FHIT: variants seen among roughly 807,000 people sequenced by gnomAD.
The protein encoded by FHIT is bis(5'-adenosyl)-triphosphatase.
FHIT carries 19 observed loss-of-function variants against 17.9 expected under a neutral mutation model. That is an observed-to-expected ratio of 1.06 (90% CI 0.74 to 1.56). The LOEUF is 1.56. Among genes scored for constraint, FHIT ranks in the 40% most tolerant of loss-of-function variants. The probability of loss-of-function intolerance (pLI) is 0.00; values close to 1 mark genes in which losing one functional copy is unlikely to be tolerated. For missense variants in FHIT, 248 were observed against 189.2 expected (o/e 1.31, Z -1.82); for synonymous variants, 81 against 69.7 (o/e 1.16, Z -0.81).
At chr3:59,804,146 A>T (rs948375586) in intron 8 of FHIT, among the ~76,000 whole-genome samples, 1 of 152,212 alleles carries the variant, frequency 6.6e-6, no homozygotes, top group African/African-American at 2.4e-5. Context: ...CAGAGCGACC[A>T]TCAGGTTATG....
chr3:60,861,731 G>A (rs1214102727), intron 3 of FHIT, among the ~76,000 whole-genome samples: 1 of 151,832 alleles, frequency 6.6e-6, no homozygotes, highest in Non-Finnish European at 1.5e-5. Context: ...TTAAGAAAAG[G>A]TAAGGGATCA....
intron 5 of FHIT, among the ~76,000 whole-genome samples, chr3:60,217,362 C>G (rs1038462541): frequency 3.9e-5 from 6 of 152,162 alleles, no homozygotes; most frequent in Non-Finnish European, 8.8e-5. Context: ...GCTCATCGCC[C>G]ATATCCCATC....
intron 5 of FHIT, among the ~76,000 whole-genome samples, chr3:60,331,328 A>G (rs1273229444): frequency 6.6e-6 from 1 of 151,848 alleles, no homozygotes; most frequent in Non-Finnish European, 1.5e-5. Context: ...CCCTCTCCCC[A>G]CATGTCCCTA....
At position 60,370,706 on chromosome 3, in the gene FHIT, T is replaced by A. The variant is rs188481269; in HGVS notation, c.103+166154A>T. On this transcript the variant is annotated intron_variant, in intron 5 of 9. Coordinates refer to ENST00000492590, the MANE Select transcript of FHIT (RefSeq NM_002012.4). The stretch of plus-strand genomic sequence containing the variant: ...CTCCTTTAATTATATCTGAAGTTTG[T>A]CCCTCTGTTTCCATCTCTGCTCTAA... 3.1e-4 allele frequency among the ~76,000 whole-genome samples: 47 copies of A among 152,310 alleles called. 1 individual carries two copies. Among genetic ancestry groups the A allele is most frequent in the Admixed American group, 2.7e-3 (41 of 15,294 alleles).
At chr3:60,643,244 A>AC (rs1553685846) in intron 4 of FHIT, among the ~76,000 whole-genome samples, 5 of 149,170 alleles carry the variant, frequency 3.4e-5, no homozygotes, top group African/African-American at 9.9e-5. Context: ...TCTTTCCCCC[A>AC]CCCCCCACAG....
intron 7 of FHIT, among the ~76,000 whole-genome samples, chr3:60,003,085 G>C (rs1325270650): frequency 6.6e-6 from 1 of 152,018 alleles, no homozygotes; most frequent in Non-Finnish European, 1.5e-5. Flanking sequence ...GGGGCCCTTG[G>C]TTTTTCTTTT....
intron 5 of FHIT, among the ~76,000 whole-genome samples, chr3:60,478,289 G>A (rs1159514032): frequency 2.0e-5 from 3 of 152,100 alleles, no homozygotes; most frequent in Non-Finnish European, 4.4e-5. Flanking sequence ...GCACAGCCAG[G>A]GCCCTTCCAA....
At chr3:60,244,633 G>C (rs1349929934) in intron 5 of FHIT, among the ~76,000 whole-genome samples, 1 of 151,982 alleles carries the variant, frequency 6.6e-6, no homozygotes, top group Non-Finnish European at 1.5e-5. Context: ...CTGAATTGGG[G>C]CCTCAATGAG....
chr3:60,866,212 C>A (rs782136073), intron 3 of FHIT, among the ~76,000 whole-genome samples: 12 of 152,168 alleles, frequency 7.9e-5, no homozygotes, highest in Non-Finnish European at 1.8e-4. Flanking sequence ...AGAGGATGTG[C>A]TACCCAGCCC....
chr3:61,095,552 G>A (rs1011164547), intron 2 of FHIT, among the ~76,000 whole-genome samples: 25 of 152,146 alleles, frequency 1.6e-4, no homozygotes, highest in African/African-American at 5.8e-4. Context: ...ACATATCCAC[G>A]AAGAATGACT....
chr3:60,852,692 A>G (rs782776621), intron 3 of FHIT, among the ~76,000 whole-genome samples: 6 of 152,088 alleles, frequency 3.9e-5, no homozygotes, highest in Non-Finnish European at 8.8e-5. Flanking sequence ...AACTGAAAAG[A>G]GTAGTTACTA....
At chr3:60,701,948 G>A (rs1487654877) in intron 4 of FHIT, among the ~76,000 whole-genome samples, 1 of 152,314 alleles carries the variant, frequency 6.6e-6, no homozygotes, top group African/African-American at 2.4e-5. Context: ...GATGGAATCA[G>A]TAAGGTCAGA....
chr3:60,017,174 A>G (rs975127165), intron 5 of FHIT, among the ~76,000 whole-genome samples: 16 of 152,288 alleles, frequency 1.1e-4, no homozygotes, highest in Admixed American at 5.9e-4. Context: ...CTGTTCATAG[A>G]AGGGAACCAC....
At chr3:61,204,281 G>T (rs115389772) in intron 1 of FHIT, among the ~76,000 whole-genome samples, 3 of 152,180 alleles carry the variant, frequency 2.0e-5, no homozygotes, top group Non-Finnish European at 4.4e-5. Flanking sequence ...GGAATGGGGG[G>T]GCTTCTGGAA....
intron 7 of FHIT, among the ~76,000 whole-genome samples, chr3:59,953,341 G>A (rs536523692): frequency 6.6e-6 from 1 of 151,850 alleles, no homozygotes; most frequent in African/African-American, 2.4e-5. Flanking sequence ...TTGGGTCCTT[G>A]TGTGCATGTC....
intron 3 of FHIT, among the ~76,000 whole-genome samples, chr3:60,948,989 C>T (rs1235970612): frequency 6.6e-6 from 1 of 152,020 alleles, no homozygotes; most frequent in Non-Finnish European, 1.5e-5. Flanking sequence ...AAAAATTAAC[C>T]TTACTTTGCA....
At chr3:59,855,015 C>G (rs1296957528) in intron 8 of FHIT, among the ~76,000 whole-genome samples, 1 of 152,170 alleles carries the variant, frequency 6.6e-6, no homozygotes, top group African/African-American at 2.4e-5. Context: ...AAACTCATAT[C>G]CAGTGATCAC....
intron 4 of FHIT, among the ~76,000 whole-genome samples, chr3:60,692,944 G>A (rs897480056): frequency 1.3e-5 from 2 of 152,200 alleles, no homozygotes; most frequent in African/African-American, 2.4e-5. Context: ...GCAGCCAAAT[G>A]ATTAAAGGTC....
chr3:60,323,087 C>T (rs569287355), intron 5 of FHIT, among the ~76,000 whole-genome samples: 4 of 152,100 alleles, frequency 2.6e-5, no homozygotes, highest in Admixed American at 2.0e-4. Flanking sequence ...CAACTTCCTG[C>T]AAAAATCCTA....
Sources: allele counts gnomAD v4.1 joint callset (sites outside exome capture counted in the v4.1 genomes callset), GRCh38; gene constraint gnomAD v4.1.1; transcripts MANE v1.5; gene names NCBI Gene and HGNC (gene_info 2026-07-23, HGNC 2026-07-21).